Variants in LOXL2 observed in about 807,000 individuals in gnomAD.
The protein encoded by LOXL2 is lysyl oxidase homolog 2.
A neutral mutation model predicts 93.0 loss-of-function variants in LOXL2; 70 were observed. That is an observed-to-expected ratio of 0.75 (90% CI 0.62 to 0.92). The LOEUF is 0.92. Ranked by LOEUF, LOXL2 falls within the 40% of genes least tolerant of loss-of-function variation. The probability of loss-of-function intolerance (pLI) is 0.00; values close to 1 mark genes in which losing one functional copy is unlikely to be tolerated. For synonymous variants in LOXL2, 438 were observed against 413.2 expected (o/e 1.06, Z -0.73); for missense variants, 973 against 1,054.9 (o/e 0.92, Z 1.08).
intron 5 of LOXL2, among the ~76,000 whole-genome samples, chr8:23,330,835 G>A (rs1014118067): frequency 1.3e-5 from 2 of 151,990 alleles, no homozygotes; most frequent in East Asian, 2.0e-4. Context: ...ACTGATTGTC[G>A]GAGGAGAGGG....
At chr8:23,340,137 T>A (rs1803857616) in intron 4 of LOXL2, among the ~76,000 whole-genome samples, 1 of 152,226 alleles carries the variant, frequency 6.6e-6, no homozygotes, top group South Asian at 2.1e-4. Flanking sequence ...GCGTGAGGCC[T>A]GGATCTGCCC....
chr8:23,352,553 T>C (rs1804111932), intron 3 of LOXL2, among the ~76,000 whole-genome samples: 1 of 152,130 alleles, frequency 6.6e-6, no homozygotes, highest in South Asian at 2.1e-4. Flanking sequence ...CCCTCCACCC[T>C]CTGCCGCCCC....
chr8:23,350,687 G>T (rs959423288), intron 3 of LOXL2, among the ~76,000 whole-genome samples: 3 of 152,222 alleles, frequency 2.0e-5, no homozygotes, highest in African/African-American at 7.2e-5. Context: ...ATAGAGGCCA[G>T]TGGAGGCCTG....
chr8:23,333,254 C>T (rs537208638), intron 5 of LOXL2, 147 bp downstream of exon 5: 25 of 690,754 alleles, frequency 3.6e-5, no homozygotes, highest in Non-Finnish European at 5.7e-5. Flanking sequence ...CTGCAGAGGG[C>T]GCTCAGGTCT....
At chr8:23,321,423 T>C (rs962879645) in intron 7 of LOXL2, among the ~76,000 whole-genome samples, 7 of 152,180 alleles carry the variant, frequency 4.6e-5, no homozygotes, top group Non-Finnish European at 1.0e-4. Context: ...GGCATGCAGT[T>C]CTAACTCAGC....
intron 10 of LOXL2, among the ~76,000 whole-genome samples, chr8:23,307,735 G>A (rs929348353): frequency 2.6e-5 from 4 of 152,080 alleles, no homozygotes; most frequent in Admixed American, 6.5e-5. Context: ...CACCAAAACC[G>A]TCATGACTTT....
intron 4 of LOXL2, among the ~76,000 whole-genome samples, chr8:23,335,468 T>A (rs1201287208): frequency 6.6e-6 from 1 of 152,018 alleles, no homozygotes; most frequent in Non-Finnish European, 1.5e-5. Flanking sequence ...AATAAAACTG[T>A]ATTTGTTAAA....
chr8:23,338,740 A>G (rs1411454214), intron 4 of LOXL2, among the ~76,000 whole-genome samples: 3 of 151,958 alleles, frequency 2.0e-5, no homozygotes, highest in Non-Finnish European at 4.4e-5. Flanking sequence ...TGCCTTCCAG[A>G]CCTCTGCAGT....
At chr8:23,386,370 G>A (rs989554711) in intron 1 of LOXL2, among the ~76,000 whole-genome samples, 1 of 152,162 alleles carries the variant, frequency 6.6e-6, no homozygotes, top group African/African-American at 2.4e-5. Context: ...TACAGCCTGG[G>A]CGACAGAGCA....
chr8:23,395,567 A>C (rs1036824400), intron 1 of LOXL2, among the ~76,000 whole-genome samples: 1 of 152,182 alleles, frequency 6.6e-6, no homozygotes, highest in Non-Finnish European at 1.5e-5. Flanking sequence ...GAATTGGATG[A>C]TATGCAAATT....
intron 3 of LOXL2, among the ~76,000 whole-genome samples, chr8:23,357,516 GTAATC>G (rs772840107): frequency 6.6e-6 from 1 of 152,108 alleles, no homozygotes; most frequent in Non-Finnish European, 1.5e-5. Context: ...AATTGTTTGG[GTAATC>G]TAATCTAATC....
At chr8:23,401,230 T>G (rs1209107192) in intron 1 of LOXL2, among the ~76,000 whole-genome samples, 1 of 152,122 alleles carries the variant, frequency 6.6e-6, no homozygotes, top group Non-Finnish European at 1.5e-5. Flanking sequence ...TCAAATGACA[T>G]AGTGGACAGA....
chr8:23,347,503 C>T (rs1163543804), intron 3 of LOXL2, among the ~76,000 whole-genome samples: 1 of 150,658 alleles, frequency 6.6e-6, no homozygotes, highest in Non-Finnish European at 1.5e-5. Context: ...ACTAAAAATA[C>T]AAAAAAAAAT....
At chr8:23,321,473 C>T (rs1306436447) in intron 7 of LOXL2, among the ~76,000 whole-genome samples, 3 of 152,204 alleles carry the variant, frequency 2.0e-5, no homozygotes, top group African/African-American at 4.8e-5. Context: ...CCACGTAGAG[C>T]GTCAGCATCC....
intron 1 of LOXL2, among the ~76,000 whole-genome samples, chr8:23,375,042 C>A (rs146705836): frequency 2.0e-5 from 3 of 152,116 alleles, no homozygotes; most frequent in African/African-American, 7.2e-5. Flanking sequence ...CTGAATGGTA[C>A]TGCCTAGGTT....
chr8:23,360,586 C>G (rs771185609), intron 2 of LOXL2, among the ~76,000 whole-genome samples: 1 of 152,128 alleles, frequency 6.6e-6, no homozygotes, highest in African/African-American at 2.4e-5. Context: ...AGTTCTCGTT[C>G]AGCCACTTAG....
Position 23,380,406 on chromosome 8 carries a change from A to AAAAAAAAAG in LOXL2, c.-83-11973_-83-11972insCTTTTTTTT, listed in dbSNP as rs57485192. On this transcript the variant is annotated intron_variant, in intron 1 of 13. Coordinates refer to ENST00000389131, the MANE Select transcript of LOXL2 (RefSeq NM_002318.3). ...GACTCCGTCTCAAAAAAAAAAAAAA[A>AAAAAAAAAG]AAAAAGACATCTTAATCTGTGGATT... Among the ~76,000 whole-genome samples, 151 of 128,464 alleles carry AAAAAAAAAG rather than the reference A, an allele frequency of 1.2e-3. 6 individuals are homozygous for AAAAAAAAAG. Among genetic ancestry groups the AAAAAAAAAG allele is most frequent in the African/African-American group, 3.1e-3 (105 of 33,400 alleles). 84.3% of individuals were successfully genotyped at this position (128,464 alleles called of 152,430 possible).
At chr8:23,345,920 T>G (rs1803963979) in intron 3 of LOXL2, among the ~76,000 whole-genome samples, 1 of 151,416 alleles carries the variant, frequency 6.6e-6, no homozygotes, top group African/African-American at 2.4e-5. Context: ...TACAAAAAAT[T>G]AGCCAGGCAT....
At chr8:23,375,855 T>TA (rs1804578922) in intron 1 of LOXL2, among the ~76,000 whole-genome samples, 1 of 152,204 alleles carries the variant, frequency 6.6e-6, no homozygotes, top group Non-Finnish European at 1.5e-5. Flanking sequence ...CGATGGGGTT[T>TA]TCTAAATATA....
Sources: allele counts gnomAD v4.1 joint callset (sites outside exome capture counted in the v4.1 genomes callset), GRCh38; gene constraint gnomAD v4.1.1; transcripts MANE v1.5; gene names NCBI Gene and HGNC (gene_info 2026-07-23, HGNC 2026-07-21).